HS6ST3: variants seen among roughly 807,000 people sequenced by gnomAD.
The protein encoded by HS6ST3 is heparan sulfate 6-O-sulfotransferase 3.
In HS6ST3, 12 loss-of-function variants were observed where a neutral mutation model predicts 36.7. That is an observed-to-expected ratio of 0.33 (90% CI 0.21 to 0.53). The LOEUF is 0.53. Ranked by LOEUF, HS6ST3 falls within the 20% of genes least tolerant of loss-of-function variation. The pLI is 0.95. For missense variants in HS6ST3, 584 were observed against 640.9 expected (o/e 0.91, Z 0.96); for synonymous variants, 240 against 257.5 (o/e 0.93, Z 0.65).
intron 1 of HS6ST3, among the ~76,000 whole-genome samples, chr13:96,123,085 C>T (rs2053934043): frequency 6.6e-6 from 1 of 152,166 alleles, no homozygotes; most frequent in African/African-American, 2.4e-5. Context: ...ATTATATACC[C>T]CATCTATTCT....
chr13:96,238,831 A>G (rs892686525), intron 1 of HS6ST3, among the ~76,000 whole-genome samples: 2 of 152,222 alleles, frequency 1.3e-5, no homozygotes, highest in Non-Finnish European at 2.9e-5. Context: ...ATATTTGCCA[A>G]GTGTTTATTC....
intron 1 of HS6ST3, among the ~76,000 whole-genome samples, chr13:96,705,707 G>A (rs1423237767): frequency 3.9e-5 from 6 of 152,078 alleles, no homozygotes; most frequent in African/African-American, 7.2e-5. Context: ...GTCCTTGTTC[G>A]TGGCATGGGA....
chr13:96,490,457 G>C (rs573897308), intron 1 of HS6ST3, among the ~76,000 whole-genome samples: 4 of 152,108 alleles, frequency 2.6e-5, no homozygotes, highest in African/African-American at 9.6e-5. Context: ...CAGAATTTTA[G>C]GGACATTAAA....
intron 1 of HS6ST3, among the ~76,000 whole-genome samples, chr13:96,255,438 A>G (rs994361030): frequency 2.6e-5 from 4 of 152,250 alleles, no homozygotes; most frequent in Admixed American, 2.0e-4. Flanking sequence ...TCTAAACTTT[A>G]CAATGTATAT....
At chr13:96,481,260 T>C (rs2055888820) in intron 1 of HS6ST3, among the ~76,000 whole-genome samples, 1 of 152,086 alleles carries the variant, frequency 6.6e-6, no homozygotes, top group Non-Finnish European at 1.5e-5. Flanking sequence ...GAAAAACGTG[T>C]GATAGAAAGT....
intron 1 of HS6ST3, among the ~76,000 whole-genome samples, chr13:96,364,745 A>C (rs1333444648): frequency 6.6e-6 from 1 of 152,192 alleles, no homozygotes; most frequent in Non-Finnish European, 1.5e-5. Context: ...GCTTAAAAAT[A>C]ATTAAAATCT....
chr13:96,765,279 A>G (rs982481247), intron 1 of HS6ST3, among the ~76,000 whole-genome samples: 7 of 151,774 alleles, frequency 4.6e-5, no homozygotes, highest in South Asian at 4.1e-4. Context: ...TCACCATGTT[A>G]GCCAGGGTGG....
chr13:96,322,555 T>C (rs1342063638), intron 1 of HS6ST3, among the ~76,000 whole-genome samples: 1 of 151,656 alleles, frequency 6.6e-6, no homozygotes, highest in African/African-American at 2.4e-5. Flanking sequence ...AGAACTTGTC[T>C]CAAAAAATAA....
intron 1 of HS6ST3, among the ~76,000 whole-genome samples, chr13:96,254,590 A>C (rs1325752460): frequency 1.3e-5 from 2 of 149,518 alleles, no homozygotes; most frequent in African/African-American, 5.0e-5. Context: ...CTTATTTCCC[A>C]AAAGCCTGGC....
At chr13:96,649,502 C>T (rs1042158905) in intron 1 of HS6ST3, among the ~76,000 whole-genome samples, 1 of 152,020 alleles carries the variant, frequency 6.6e-6, no homozygotes, top group African/African-American at 2.4e-5. Context: ...TCTAGTTGTT[C>T]AGAAAGAAAC....
chr13:96,339,932 A>G (rs1594757683), intron 1 of HS6ST3, among the ~76,000 whole-genome samples: 1 of 152,318 alleles, frequency 6.6e-6, no homozygotes, highest in South Asian at 2.1e-4. Flanking sequence ...GGGGTTGGCA[A>G]GTTTGCTGAT....
At chr13:96,656,693 C>T (rs903464456) in intron 1 of HS6ST3, among the ~76,000 whole-genome samples, 2 of 151,972 alleles carry the variant, frequency 1.3e-5, no homozygotes, top group African/African-American at 2.4e-5. Context: ...AGGAAGGAGT[C>T]GCAAAAACGA....
chr13:96,838,431 G>C lies in HS6ST3; in HGVS notation c.*5233G>C, dbSNP rs572088352. 6.6e-6 allele frequency: 1 copy of C among 152,232 alleles called. No individual in the cohort carries two copies. The highest frequency in any genetic ancestry group is 1.5e-5 in the Non-Finnish European group (1 of 68,092). The allele number at this position is 152,232 out of a possible 1,614,324, so 9.4% of individuals were successfully genotyped here. A position where few individuals can be genotyped will look rare whatever the true frequency, so the allele number is the denominator to read the frequency against. On this transcript the variant is annotated 3_prime_UTR_variant, in exon 2 of 2. Coordinates refer to ENST00000376705, the MANE Select transcript of HS6ST3 (RefSeq NM_153456.4). The stretch of plus-strand genomic sequence containing the variant: ...TACACAAGAATACCCTGATCTGATC[G>C]CAGCTGTGACTCCAAGGTTTTCCTT...
chr13:96,217,092 G>A (rs1458725897), intron 1 of HS6ST3, among the ~76,000 whole-genome samples: 1 of 152,086 alleles, frequency 6.6e-6, no homozygotes, highest in Non-Finnish European at 1.5e-5. Flanking sequence ...GCTTGTCCTC[G>A]CAGGCCTGAG....
chr13:96,325,249 G>A (rs975325666), intron 1 of HS6ST3, among the ~76,000 whole-genome samples: 2 of 152,102 alleles, frequency 1.3e-5, no homozygotes, highest in Non-Finnish European at 2.9e-5. Flanking sequence ...TTGAAATGCA[G>A]TTATATAAAT....
intron 1 of HS6ST3, among the ~76,000 whole-genome samples, chr13:96,093,590 T>C (rs2053775751): frequency 6.6e-6 from 1 of 152,152 alleles, no homozygotes; most frequent in South Asian, 2.1e-4. Context: ...AAAAAATTTT[T>C]TTTTGGTAGT....
intron 1 of HS6ST3, among the ~76,000 whole-genome samples, chr13:96,331,231 G>T (rs1247120516): frequency 1.3e-5 from 2 of 152,216 alleles, no homozygotes; most frequent in Non-Finnish European, 2.9e-5. Flanking sequence ...GAGGAACTGC[G>T]TTCCTTTGGA....
chr13:96,710,670 G>T (rs539753490), intron 1 of HS6ST3, among the ~76,000 whole-genome samples: 1 of 152,230 alleles, frequency 6.6e-6, no homozygotes, highest in Non-Finnish European at 1.5e-5. Flanking sequence ...GATACTGCGG[G>T]AGGACCCGAG....
intron 1 of HS6ST3, among the ~76,000 whole-genome samples, chr13:96,783,092 G>A (rs1054034730): frequency 1.3e-5 from 2 of 152,204 alleles, no homozygotes; most frequent in Non-Finnish European, 2.9e-5. Flanking sequence ...AAGGAACAAA[G>A]AGTCTTAGGA....
Sources: gnomAD v4.1 joint callset for allele counts (sites outside exome capture counted in the v4.1 genomes callset) on GRCh38, gnomAD v4.1.1 for gene constraint, MANE v1.5 for transcripts, NCBI Gene and HGNC (gene_info 2026-07-23, HGNC 2026-07-21) for gene names.